APTX: variants seen among roughly 807,000 people sequenced by gnomAD.
APTX encodes the protein forkhead-associated domain histidine triad-like protein.
APTX carries 33 observed loss-of-function variants against 42.3 expected under a neutral mutation model. The ratio of observed to expected loss-of-function variants is 0.78; its 90% confidence interval spans 0.59 to 1.04. APTX has a LOEUF of 1.04. APTX is among the 50% of genes least tolerant of loss of function. APTX has a pLI of 0.00. For synonymous variants in APTX, 130 were observed against 146.7 expected (o/e 0.89, Z 0.82); for missense variants, 421 against 415.1 (o/e 1.01, Z -0.12).
At chr9:33,001,260 G>A in intron 1 of APTX, 1 of 1,405,482 alleles carries the variant, frequency 7.1e-7, no homozygotes, top group Non-Finnish European at 9.4e-7. Flanking sequence ...CCGACAAGCT[G>A]GGCCGCCTCC....
chr9:32,974,572 G>A lies in APTX; in HGVS notation c.771-11C>T, dbSNP rs1448354490. 117 of 1,368,952 alleles carry A rather than the reference G, an allele frequency of 8.5e-5. No individual in the cohort carries two copies. Among genetic ancestry groups the A allele is most frequent in the Middle Eastern group, 5.7e-4 (3 of 5,290 alleles). The allele number at this position is 1,368,952 out of a possible 1,614,324, so 84.8% of individuals were successfully genotyped here. A position where few individuals can be genotyped will look rare whatever the true frequency, so the allele number is the denominator to read the frequency against. On this transcript the variant is annotated splice_polypyrimidine_tract_variant and intron_variant, in intron 6 of 7. Coordinates refer to ENST00000379817, the MANE Select transcript of APTX (RefSeq NM_001195248.2). ...TGAAGATGTACATGGCTAGTTGAAA[G>A]AAAAAAAAACTGAGCATTAAACTCT...
intron 1 of APTX, among the ~76,000 whole-genome samples, chr9:33,017,928 G>T (rs996353347): frequency 1.4e-5 from 1 of 70,798 alleles, no homozygotes. Flanking sequence ...AGCAACCAGC[G>T]CCCCCCCCCC....
chr9:33,021,052 C>G (rs1014964770), intron 1 of APTX, among the ~76,000 whole-genome samples: 3 of 151,484 alleles, frequency 2.0e-5, no homozygotes, highest in African/African-American at 7.3e-5. Flanking sequence ...TCGCTTGAAC[C>G]TGGGAGGCGG....
Position 32,973,151 on chromosome 9 carries a change from A to G in APTX, c.*347T>C, listed in dbSNP as rs770855079. 9 of 471,440 alleles carry G rather than the reference A, an allele frequency of 1.9e-5. No individual in the cohort carries two copies. The highest frequency in any genetic ancestry group is 1.2e-4 in the South Asian group (8 of 64,650). 29.2% of individuals were successfully genotyped at this position (471,440 alleles called of 1,614,324 possible). A position where few individuals can be genotyped will look rare whatever the true frequency, so the allele number is the denominator to read the frequency against. ...TACAGAGGCGGAGGATAAATCTAAGAAACAGAAATGTATAACCAGCCCAAT... is the reference window on the plus strand; with the variant it reads ...TACAGAGGCGGAGGATAAATCTAAGGAACAGAAATGTATAACCAGCCCAAT... On this transcript the variant is annotated 3_prime_UTR_variant, in exon 8 of 8. Coordinates refer to ENST00000379817, the MANE Select transcript of APTX (RefSeq NM_001195248.2).
At chr9:33,010,322 AG>A (rs1221869041) in intron 1 of APTX, among the ~76,000 whole-genome samples, 5 of 152,180 alleles carry the variant, frequency 3.3e-5, no homozygotes, top group African/African-American at 1.2e-4. Flanking sequence ...AAGCAACTCT[AG>A]CTCTCCATTG....
chr9:32,987,709 G>A lies in APTX; in HGVS notation c.318C>T (p.Asn106=), dbSNP rs79254654. The change falls in exon 4 of 8, where the codon AAC becomes AAT. Residue 106 remains asparagine (N), a synonymous_variant. Transcript: ENST00000379817. ...YIVEFEEEAK[N]PGLETHRKRK... ...TCTTCCTGTGTGTTTCCAGGCCAGG[G>A]TTCTTTGCCTCTTCCTCAAACTCTA... 1.4e-3 allele frequency: 2,269 copies of A among 1,614,130 alleles called. 25 individuals are homozygous for A. In the African/African-American group the frequency reaches 0.027, roughly 19 times the overall value.
Position 32,985,978 on chromosome 9 carries a change from T to C in APTX, c.536A>G (p.Lys179Arg). The change falls in exon 5 of 8, where the codon AAA (lysine) becomes AGA (arginine). Residue 179 changes from lysine to arginine, a missense_variant. Lys to Arg is a conservative substitution (Grantham distance 26). Transcript: ENST00000379817. ...CCAAAATTGTATTCTGACCTGCATT[T>C]TGGGGTCCTGCATAGAAATCTTCAA... The part of the protein sequence containing the change: ...QGLKISMQDP[K>R]MQVYKDEQVV... 1 of 1,608,130 alleles carries C rather than the reference T, an allele frequency of 6.2e-7. No individual in the cohort carries two copies. Among genetic ancestry groups the C allele is most frequent in the Admixed American group, 1.7e-5 (1 of 59,618 alleles).
chr9:33,000,651 A>T (rs950854907), intron 1 of APTX, among the ~76,000 whole-genome samples: 3 of 150,050 alleles, frequency 2.0e-5, no homozygotes, highest in Non-Finnish European at 1.5e-5. Context: ...AAAAAAAGAA[A>T]AGAAAAGAAA....
chr9:33,023,531 G>C (rs375528435), intron 1 of APTX, among the ~76,000 whole-genome samples: 1 of 152,160 alleles, frequency 6.6e-6, no homozygotes, highest in East Asian at 1.9e-4. Context: ...CCTGACTTAC[G>C]TGATTTTTGT....
intron 1 of APTX, among the ~76,000 whole-genome samples, chr9:33,012,324 T>C (rs532215716): frequency 2.6e-5 from 4 of 152,226 alleles, no homozygotes; most frequent in Admixed American, 2.0e-4. Context: ...TTTTAGAAAA[T>C]GTATACTTAG....
Position 32,973,543 on chromosome 9 carries a change from G to A in APTX, c.984C>T (p.Ser328=), listed in dbSNP as rs1828543428. Residue 328 remains serine, a synonymous_variant, in exon 8 of 8, where the codon TCC becomes TCT. Transcript: ENST00000379817. The part of the protein sequence containing the change: ...RCHECQQLLP[S]IPQLKEHLRK... The stretch of plus-strand genomic sequence containing the variant: ...TGAGATGTTCTTTCAGCTGAGGAAT[G>A]GAAGGCAGCAGCTGCTGGCACTCAT... 6.2e-7 allele frequency: 1 copy of A among 1,613,976 alleles called. No individual in the cohort carries two copies. Among genetic ancestry groups the A allele is most frequent in the Non-Finnish European group, 8.5e-7 (1 of 1,180,030 alleles).
chr9:32,989,719 A>T (rs1370001949), intron 2 of APTX, 40 bp downstream of exon 2: 3 of 1,613,580 alleles, frequency 1.9e-6, no homozygotes, highest in Non-Finnish European at 8.5e-7. Flanking sequence ...TCACTATCCC[A>T]CATAACCATA....
chr9:32,981,576 T>C (rs1419107499), intron 6 of APTX, among the ~76,000 whole-genome samples: 2 of 152,170 alleles, frequency 1.3e-5, no homozygotes, highest in African/African-American at 4.8e-5. Context: ...AAGTGGTTCA[T>C]TCCAGATAAG....
At chr9:32,987,047 C>T (rs1315215788) in intron 4 of APTX, among the ~76,000 whole-genome samples, 2 of 152,134 alleles carry the variant, frequency 1.3e-5, no homozygotes, top group Non-Finnish European at 2.9e-5. Flanking sequence ...TCCTGACCCT[C>T]AAGTGATCTG....
chr9:32,994,076 AT>A (rs1329743083), intron 1 of APTX, among the ~76,000 whole-genome samples: 1 of 152,224 alleles, frequency 6.6e-6, no homozygotes, highest in Non-Finnish European at 1.5e-5. Flanking sequence ...AATTCTGATT[AT>A]TCCTTAAAGA....
exon 1 of APTX, chr9:33,025,088 G>C (rs1441060258): frequency 1.3e-5 from 2 of 152,448 alleles, no homozygotes; most frequent in African/African-American, 4.8e-5. Context: ...GATTCCACGA[G>C]CGCCGGGAAG....
At chr9:33,014,167 G>A (rs13288786) in intron 1 of APTX, among the ~76,000 whole-genome samples, 5,054 of 152,320 alleles carry the variant, frequency 0.033, 113 homozygotes, top group Non-Finnish European at 0.05. Context: ...CCCTGCCTCT[G>A]CTCTGAGGGA....
chr9:33,018,970 G>C (rs1354659512), intron 1 of APTX, among the ~76,000 whole-genome samples: 2 of 152,158 alleles, frequency 1.3e-5, no homozygotes, highest in Admixed American at 6.5e-5. Flanking sequence ...AGACTAAAGA[G>C]ATATGATAAC....
chr9:32,993,947 G>A (rs761416482), intron 1 of APTX, among the ~76,000 whole-genome samples: 9 of 151,540 alleles, frequency 5.9e-5, no homozygotes, highest in Non-Finnish European at 1.3e-4. Context: ...TCGAACTCCT[G>A]ATGTCAGGCG....
Sources: gnomAD v4.1 joint callset for allele counts (sites outside exome capture counted in the v4.1 genomes callset) on GRCh38, gnomAD v4.1.1 for gene constraint, MANE v1.5 for transcripts, NCBI Gene and HGNC (gene_info 2026-07-23, HGNC 2026-07-21) for gene names.